The following FBXW9 variants were observed in gnomAD, a reference collection of about 807,000 sequenced individuals.
The protein encoded by FBXW9 is F-box and WD repeat domain containing 9.
A neutral mutation model predicts 55.8 loss-of-function variants in FBXW9; 38 were observed. The ratio of observed to expected loss-of-function variants is 0.68; its 90% CI spans 0.53 to 0.89. FBXW9 has a LOEUF of 0.89. Among genes scored for constraint, FBXW9 ranks in the 40% least tolerant of loss-of-function variants. The pLI is 0.00. For missense variants in FBXW9, 590 were observed against 619.4 expected, an observed-to-expected ratio of 0.95 and a Z score of 0.50; for synonymous variants, 289 against 278.2, an observed-to-expected ratio of 1.04 and a Z score of -0.38.
At chr19:12,690,173 A>G in intron 5 of FBXW9, 63 bp from the exon 6 acceptor site, 1 of 1,562,598 alleles carries the variant, frequency 6.4e-7, no homozygotes, top group Admixed American at 1.7e-5. Flanking sequence ...CCCCCAGCCC[A>G]TGAGAGCATC....
chr19:12,695,049 C>T, intron 1 of FBXW9, 111 bp from the exon 2 acceptor site: 1 of 1,292,860 alleles, frequency 7.7e-7, no homozygotes, highest in Non-Finnish European at 1.1e-6. Flanking sequence ...CAGACTTGGA[C>T]AGAACCCCAT....
chr19:12,692,553 G>A (rs1221990180), intron 3 of FBXW9, among the ~76,000 whole-genome samples: 2 of 130,606 alleles, frequency 1.5e-5, no homozygotes, highest in South Asian at 2.4e-4. Flanking sequence ...ACATAGTATC[G>A]CTCTGTCGCC....
In FBXW9 at chr19:12,689,282, A is replaced by C. The variant is rs1248664075; in HGVS notation, c.1311T>G (p.Ala437=). Reference sequence around the variant, plus strand: ...AGCCGGCCACCACCAGGTTGCCCTCAGCACAGACCTGGGAAGGGGGAGGAA... The same window carrying C: ...AGCCGGCCACCACCAGGTTGCCCTCCGCACAGACCTGGGAAGGGGGAGGAA... The part of the protein sequence containing the change: ...RHDNGLNRVC[A]EGNLVVAGSG... The change falls in exon 10 of 10, where the codon GCT becomes GCG. Residue 437 remains alanine, a synonymous_variant. Coordinates refer to ENST00000393261, the MANE Select transcript of FBXW9 (RefSeq NM_032301.3). This position sits in a 1 kb window ranked among gnomAD's most constrained non-coding sequence, Gnocchi z 5.9. 6.2e-7 allele frequency: 1 copy of C among 1,614,240 alleles called. No homozygotes were observed. The highest frequency in any genetic ancestry group is 1.3e-5 in the African/African-American group (1 of 75,070).
At position 12,689,778 on chromosome 19, in the gene FBXW9, A is replaced by G. The variant is rs1440555692; in HGVS notation, c.1129T>C (p.Cys377Arg). ...LLHVFANRNG[C>R]FQLIRSFDVG... ...CAGCAGACCCGGATAAGCTGGAAGCAGCCGTTGCGGTTGGCGAAGACGTGC... is the reference window on the plus strand; with the variant it reads ...CAGCAGACCCGGATAAGCTGGAAGCGGCCGTTGCGGTTGGCGAAGACGTGC... Residue 377 changes from cysteine to arginine, a missense_variant, in exon 7 of 10, where the codon TGC becomes CGC. Cys to Arg is a radical substitution (Grantham distance 180). Transcript: ENST00000393261. The surrounding 1 kb of genome is among the most constrained non-coding windows in gnomAD (Gnocchi z 5.9). 6.2e-7 allele frequency: 1 copy of G among 1,614,128 alleles called. No individual in the cohort carries two copies. Among genetic ancestry groups the G allele is most frequent in the Admixed American group, 1.7e-5 (1 of 60,024 alleles).
chr19:12,690,739 T>C (rs2024996297), intron 5 of FBXW9, among the ~76,000 whole-genome samples: 1 of 152,120 alleles, frequency 6.6e-6, no homozygotes, highest in African/African-American at 2.4e-5. Context: ...GCCAACATGG[T>C]GAAACCTTGT....
At chr19:12,693,561 T>C (rs7254698) in intron 3 of FBXW9, among the ~76,000 whole-genome samples, 619 of 10,182 alleles carry the variant, frequency 0.061, 31 homozygotes, top group East Asian at 0.094. Context: ...TATATATATA[T>C]ACACACACAC....
rs1212264387 is a variant in FBXW9 at position 12,688,968 on chromosome 19, G to A, written c.*248C>T. On this transcript the variant is annotated 3_prime_UTR_variant, in exon 10 of 10. Transcript: ENST00000393261. The stretch of plus-strand genomic sequence containing the variant: ...TCTCCTTCGCTCTCAACTGAGAGCG[G>A]GGCATCCAAATCATAACAAAACCAG... The A allele has an allele frequency of 1.5e-6, 1 of 675,174 alleles. No individual in the cohort carries two copies. The highest frequency in any genetic ancestry group is 1.5e-5 in the South Asian group (1 of 66,022). The allele number at this position is 675,174 out of a possible 1,614,324, so 41.8% of individuals were successfully genotyped here. A position where few individuals can be genotyped will look rare whatever the true frequency, so the allele number is the denominator to read the frequency against.
chr19:12,690,470 T>G (rs967998448), intron 5 of FBXW9, among the ~76,000 whole-genome samples: 2 of 152,158 alleles, frequency 1.3e-5, no homozygotes, highest in African/African-American at 4.8e-5. Flanking sequence ...ACACTGGCCC[T>G]TCAATTAACA....
chr19:12,695,053 AC>A (rs1333384603), intron 1 of FBXW9, 115 bp from the exon 2 acceptor site: 26 of 1,245,982 alleles, frequency 2.1e-5, no homozygotes, highest in Non-Finnish European at 2.6e-5. Context: ...CTTGGACAGA[AC>A]CCCATGGAGA....
At chr19:12,693,824 G>A (rs1158356464) in intron 3 of FBXW9, among the ~76,000 whole-genome samples, 1 of 151,284 alleles carries the variant, frequency 6.6e-6, no homozygotes, top group African/African-American at 2.4e-5. Context: ...CCCGGAGGCA[G>A]AGGTTGCAGT....
At chr19:12,696,147 G>A (rs988897546) in intron 1 of FBXW9, 26 bp downstream of exon 1, 2 of 1,246,598 alleles carry the variant, frequency 1.6e-6, no homozygotes, top group African/African-American at 1.6e-5. Flanking sequence ...CCCGGCCCCC[G>A]GTCCCCGGCC....
rs1313365181 is a variant in FBXW9 at position 12,690,106 on chromosome 19, G to C, written c.888C>G (p.Gly296=). 6.2e-6 allele frequency: 10 copies of C among 1,613,784 alleles called. No individual in the cohort carries two copies. Among genetic ancestry groups the C allele is most frequent in the South Asian group, 1.1e-5 (1 of 91,076 alleles). The change falls in exon 6 of 10, where the codon GGC becomes GGG. Residue 296 remains glycine (G), a synonymous_variant. Transcript: ENST00000393261. ...GTTGCTGGTGCTTCAACAGGGCTGG[G>C]CCGGCTTCATGGGTGATGGGCCGGT... is the stretch of plus-strand genomic sequence containing the variant. The part of the protein sequence containing the change: ...KKVTIYDPRA[G]PALLKHQQLH...
intron 5 of FBXW9, among the ~76,000 whole-genome samples, chr19:12,690,644 C>T (rs1046770991): frequency 6.6e-6 from 1 of 151,990 alleles, no homozygotes; most frequent in Non-Finnish European, 1.5e-5. Flanking sequence ...AATGGCCGGG[C>T]GCGGTGGCTC....
intron 1 of FBXW9, among the ~76,000 whole-genome samples, chr19:12,695,545 G>A (rs764863133): frequency 2.0e-5 from 3 of 152,096 alleles, no homozygotes; most frequent in Non-Finnish European, 4.4e-5. Context: ...AAGCTTCCAG[G>A]TTAAGGGTAT....
Position 12,689,347 on chromosome 19 carries a change from C to T in FBXW9, c.1302+25G>A, listed in dbSNP as rs1287479319. 6 of 1,614,022 alleles carry T rather than the reference C, an allele frequency of 3.7e-6. No homozygotes were observed. The highest frequency in any genetic ancestry group is 1.7e-5 in the Admixed American group (1 of 59,992). On this transcript the variant is annotated intron_variant, in intron 9 of 9. Transcript: ENST00000393261. The surrounding 1 kb of genome is among the most constrained non-coding windows in gnomAD (Gnocchi z 5.9). ...GACGATGGCGCTCTGGCCAGCTGGG[C>T]AGGGCACATGGGGCAGGACCTTACC...
chr19:12,696,329 C>T lies in FBXW9; in HGVS notation c.253G>A (p.Glu85Lys). ...TAGGAGCAGATCTCGAGCAGCAGCT[C>T]CGGGGGAAGGCTCAGAAGGCCCGGC... ...SEPGLLSLPPELLLEICSYLD... is the reference protein window; with the variant it reads ...SEPGLLSLPPKLLLEICSYLD... The change falls in exon 1 of 10, where the codon GAG (glutamate) becomes AAG (lysine). Residue 85 changes from glutamate to lysine, a missense_variant. Coordinates refer to ENST00000393261, the MANE Select transcript of FBXW9 (RefSeq NM_032301.3). 1 of 1,592,962 alleles carries T rather than the reference C, an allele frequency of 6.3e-7. No homozygotes were observed. Among genetic ancestry groups the T allele is most frequent in the Non-Finnish European group, 8.5e-7 (1 of 1,170,580 alleles).
At chr19:12,694,531 T>C in intron 3 of FBXW9, 63 bp downstream of exon 3, 2 of 1,568,156 alleles carry the variant, frequency 1.3e-6, no homozygotes, top group Non-Finnish European at 1.7e-6. Context: ...TACCAAAACC[T>C]GGGGCCTTAA....
intron 3 of FBXW9, 84 bp downstream of exon 3, chr19:12,694,510 A>G: frequency 2.1e-6 from 3 of 1,450,542 alleles, no homozygotes; most frequent in Non-Finnish European, 2.8e-6. Flanking sequence ...ATTCAAATCT[A>G]TGCGGTCCTG....
chr19:12,694,524 C>T, intron 3 of FBXW9, 70 bp downstream of exon 3: 1 of 1,551,712 alleles, frequency 6.4e-7, no homozygotes, highest in South Asian at 1.2e-5. Flanking sequence ...GGTCCTGTAC[C>T]AAAACCTGGG....
Sources: gnomAD v4.1 joint callset for allele counts (sites outside exome capture counted in the v4.1 genomes callset) on GRCh38, gnomAD v4.1.1 for gene constraint, Gnocchi (gnomAD v3.1) non-coding constraint, MANE v1.5 for transcripts, NCBI Gene and HGNC (gene_info 2026-07-23, HGNC 2026-07-21) for gene names.